Variants in ZNF804B observed in about 807,000 individuals in gnomAD.
ZNF804B encodes zinc finger 804B.
ZNF804B carries 80 observed loss-of-function variants against 101.4 expected under a neutral mutation model. That is an observed-to-expected ratio of 0.79 (90% CI 0.66 to 0.95). ZNF804B has a LOEUF of 0.95. Among genes scored for constraint, ZNF804B ranks in the 40% least tolerant of loss-of-function variants. ZNF804B has a pLI of 0.00. For synonymous variants in ZNF804B, 622 were observed against 558.8 expected, an observed-to-expected ratio of 1.11 and a Z score of -1.59; for missense variants, 1,673 against 1,561.9, an observed-to-expected ratio of 1.07 and a Z score of -1.20.
At chr7:89,123,506 T>C (rs554257685) in intron 1 of ZNF804B, among the ~76,000 whole-genome samples, 1 of 152,304 alleles carries the variant, frequency 6.6e-6, no homozygotes, top group African/African-American at 2.4e-5. Flanking sequence ...GGGTTTGCTT[T>C]ATGCTAAGCA....
At chr7:88,790,806 CT>C (rs1367712538) in intron 1 of ZNF804B, among the ~76,000 whole-genome samples, 1 of 150,168 alleles carries the variant, frequency 6.7e-6, no homozygotes, top group Non-Finnish European at 1.5e-5. Flanking sequence ...TAAGAATTAC[CT>C]TATCAGTCAT....
intron 1 of ZNF804B, among the ~76,000 whole-genome samples, chr7:88,951,479 CAT>C (rs1165283764): frequency 6.6e-6 from 1 of 151,686 alleles, no homozygotes; most frequent in East Asian, 2.0e-4. Context: ...CGCGCACGCA[CAT>C]ATATAATGTC....
intron 1 of ZNF804B, among the ~76,000 whole-genome samples, chr7:88,925,789 A>G (rs566002703): frequency 6.6e-6 from 1 of 152,282 alleles, no homozygotes; most frequent in East Asian, 1.9e-4. Flanking sequence ...AAAACAGTCC[A>G]GTGTCAATGG....
chr7:88,777,615 G>T (rs1371339436), intron 1 of ZNF804B, among the ~76,000 whole-genome samples: 1 of 152,074 alleles, frequency 6.6e-6, no homozygotes, highest in Non-Finnish European at 1.5e-5. Context: ...GGCTAAGGTG[G>T]GTGGATCACT....
At chr7:89,169,088 AG>A (rs1049713420) in intron 1 of ZNF804B, among the ~76,000 whole-genome samples, 18 of 152,178 alleles carry the variant, frequency 1.2e-4, no homozygotes, top group Admixed American at 1.2e-3. Flanking sequence ...TTAGCCTTGC[AG>A]GAACAATTGC....
At chr7:89,260,065 A>T (rs557215213) in intron 2 of ZNF804B, among the ~76,000 whole-genome samples, 43 of 152,252 alleles carry the variant, frequency 2.8e-4, no homozygotes, top group African/African-American at 9.6e-4. Flanking sequence ...GAAAAGCAAG[A>T]AAGGCAGCCC....
intron 1 of ZNF804B, among the ~76,000 whole-genome samples, chr7:89,077,042 A>G (rs918651896): frequency 9.3e-6 from 1 of 107,960 alleles, no homozygotes; most frequent in African/African-American, 3.7e-5. Context: ...ATATGTGGAG[A>G]CTGAAGTTGA....
At chr7:89,131,610 G>A (rs1474017220) in intron 1 of ZNF804B, among the ~76,000 whole-genome samples, 1 of 151,982 alleles carries the variant, frequency 6.6e-6, no homozygotes, top group African/African-American at 2.4e-5. Context: ...GAAAATATGG[G>A]ACATTTTAAG....
chr7:88,851,099 CAT>C (rs1032550670), intron 1 of ZNF804B, among the ~76,000 whole-genome samples: 2 of 151,886 alleles, frequency 1.3e-5, no homozygotes, highest in African/African-American at 4.8e-5. Flanking sequence ...TAATGTGAAA[CAT>C]AAAGCAAAAA....
intron 1 of ZNF804B, among the ~76,000 whole-genome samples, chr7:88,873,647 C>T (rs9649114): frequency 0.47 from 71,220 of 151,910 alleles, 19,046 homozygotes; most frequent in African/African-American, 0.73. Context: ...GATTTTTATA[C>T]AAGGTGTAAG....
chr7:89,013,458 C>G (rs1644006458), intron 1 of ZNF804B, among the ~76,000 whole-genome samples: 4 of 152,026 alleles, frequency 2.6e-5, no homozygotes, highest in Non-Finnish European at 5.9e-5. Context: ...TAGAACATAC[C>G]TTCCTTTCTG....
intron 2 of ZNF804B, among the ~76,000 whole-genome samples, chr7:89,312,628 C>T (rs1017159842): frequency 2.0e-4 from 31 of 152,064 alleles, no homozygotes; most frequent in African/African-American, 6.8e-4. Context: ...TAGCTTCTAA[C>T]ATGGGAGATC....
At chr7:88,801,200 C>T (rs1430806269) in intron 1 of ZNF804B, among the ~76,000 whole-genome samples, 2 of 151,706 alleles carry the variant, frequency 1.3e-5, no homozygotes, top group Admixed American at 1.3e-4. Flanking sequence ...AGGAATTCCA[C>T]CAGGAATGGA....
chr7:89,326,433 A>G (rs1181880421), intron 2 of ZNF804B, among the ~76,000 whole-genome samples: 3 of 152,104 alleles, frequency 2.0e-5, no homozygotes, highest in South Asian at 2.1e-4. Context: ...ATAACTATGT[A>G]GTTTTCTCCA....
intron 1 of ZNF804B, among the ~76,000 whole-genome samples, chr7:89,159,298 G>A (rs143115017): frequency 1.5e-3 from 228 of 152,302 alleles, no homozygotes; most frequent in Admixed American, 2.5e-3. Context: ...CTTGACGAGG[G>A]TATTTGGAGA....
intron 1 of ZNF804B, among the ~76,000 whole-genome samples, chr7:88,994,384 A>G (rs1244785853): frequency 6.6e-6 from 1 of 152,006 alleles, no homozygotes; most frequent in Non-Finnish European, 1.5e-5. Context: ...GCATTTATTT[A>G]TGTACCTTTG....
At chr7:89,195,644 A>T (rs1252304237) in intron 1 of ZNF804B, among the ~76,000 whole-genome samples, 3 of 151,812 alleles carry the variant, frequency 2.0e-5, no homozygotes, top group Non-Finnish European at 4.4e-5. Flanking sequence ...GATGTGAAGG[A>T]CCTCTTCAAG....
intron 2 of ZNF804B, among the ~76,000 whole-genome samples, chr7:89,283,897 C>T (rs1790136575): frequency 6.6e-6 from 1 of 151,754 alleles, no homozygotes; most frequent in Non-Finnish European, 1.5e-5. Flanking sequence ...AACTTCAAGT[C>T]TCAGACATAC....
At chr7:89,295,441 C>A (rs1485256876) in intron 2 of ZNF804B, among the ~76,000 whole-genome samples, 1 of 152,112 alleles carries the variant, frequency 6.6e-6, no homozygotes, top group East Asian at 1.9e-4. Flanking sequence ...TCTTTTCGTG[C>A]AAATGCTTTA....
Sources: gnomAD v4.1 joint callset for allele counts (sites outside exome capture counted in the v4.1 genomes callset) on GRCh38, gnomAD v4.1.1 for gene constraint, MANE v1.5 for transcripts, NCBI Gene and HGNC (gene_info 2026-07-23, HGNC 2026-07-21) for gene names.